Variants in DET1 observed in about 807,000 individuals in gnomAD.
DET1 encodes DET1 partner of COP1 E3 ubiquitin ligase, also known as DET1 homolog.
A neutral mutation model predicts 43.7 loss-of-function variants in DET1; 22 were observed. That is an observed-to-expected ratio of 0.50 (90% CI 0.36 to 0.72). The LOEUF (loss-of-function observed/expected upper bound fraction) is 0.72, where lower values mean the gene tolerates loss of function less well. DET1 is among the 30% of genes least tolerant of loss of function. The pLI, the probability that DET1 is intolerant of heterozygous loss-of-function variation, is 0.00. For missense variants in DET1, 713 were observed against 713.3 expected, an observed-to-expected ratio of 1.00 and a Z score of 0.00; for synonymous variants, 315 against 266.2, an observed-to-expected ratio of 1.18 and a Z score of -1.79.
chr15:88,533,800 T>C (rs1264143030), intron 1 of DET1, among the ~76,000 whole-genome samples: 1 of 137,450 alleles, frequency 7.3e-6, no homozygotes, highest in Non-Finnish European at 1.5e-5. Flanking sequence ...GGTGGACCAC[T>C]TGAGCCCAGG....
intron 1 of DET1, among the ~76,000 whole-genome samples, chr15:88,540,803 T>A (rs1367191850): frequency 1.4e-5 from 2 of 137,956 alleles, no homozygotes; most frequent in Non-Finnish European, 3.0e-5. Context: ...TTAAGAGTCA[T>A]CACCACTCCC....
At chr15:88,511,912 A>T (rs1011079606), downstream of DET1, among the ~76,000 whole-genome samples, 6 of 152,116 alleles carry the variant, frequency 3.9e-5, no homozygotes, top group African/African-American at 1.4e-4. Context: ...CAACATTTCA[A>T]AGCTACCTTC....
At chr15:88,514,505 G>A (rs1289764768) in intron 4 of DET1, among the ~76,000 whole-genome samples, 2 of 152,158 alleles carry the variant, frequency 1.3e-5, no homozygotes, top group Non-Finnish European at 2.9e-5. Context: ...GACTACTATG[G>A]CATTTGTTTT....
chr15:88,513,361 G>A lies in DET1; in HGVS notation c.1464-221C>T, dbSNP rs1204829797. On this transcript the variant is annotated intron_variant, in intron 4 of 4. Transcript: ENST00000268148. ...TATAAATTTTACTATGTTGCACTGAGTCACTGGTCATTTCTCTTTCCTGAG... is the reference window on the plus strand; with the variant it reads ...TATAAATTTTACTATGTTGCACTGAATCACTGGTCATTTCTCTTTCCTGAG... Among the ~76,000 whole-genome samples the A allele has an allele frequency of 6.8e-4, 104 of 152,186 alleles. 3 individuals are homozygous for A. Among genetic ancestry groups the A allele is most frequent in the Admixed American group, 6.7e-3 (103 of 15,284 alleles).
At chr15:88,518,880 A>G (rs981906348) in intron 3 of DET1, among the ~76,000 whole-genome samples, 6 of 152,210 alleles carry the variant, frequency 3.9e-5, no homozygotes, top group African/African-American at 1.4e-4. Context: ...CCCTAAAGAA[A>G]GCCTAGCAAG....
intron 2 of DET1, among the ~76,000 whole-genome samples, chr15:88,530,230 T>C (rs1469656625): frequency 6.6e-6 from 1 of 152,224 alleles, no homozygotes; most frequent in Non-Finnish European, 1.5e-5. Context: ...CTTTTTGGTA[T>C]GGTGTACTCA....
Position 88,531,801 on chromosome 15 carries a change from T to C in DET1, c.-10-86A>G. The C allele has an allele frequency of 7.6e-7, 1 of 1,322,586 alleles. No homozygotes were observed. The highest frequency in any genetic ancestry group is 2.7e-5 in the Admixed American group (1 of 37,342). 81.9% of individuals were successfully genotyped at this position (1,322,586 alleles called of 1,614,324 possible). A position where few individuals can be genotyped will look rare whatever the true frequency, so the allele number is the denominator to read the frequency against. On this transcript the variant is annotated intron_variant, in intron 1 of 4. Coordinates refer to ENST00000268148, the MANE Select transcript of DET1 (RefSeq NM_001144074.3). The surrounding 1 kb of genome is among the most constrained non-coding windows in gnomAD (Gnocchi z 6.2). Reference sequence around the variant, plus strand: ...ATATACAAGTGAAACAGATTTCTCTTCTTATATCCTGAACCTAGGAGCTCC... The same window carrying C: ...ATATACAAGTGAAACAGATTTCTCTCCTTATATCCTGAACCTAGGAGCTCC...
chr15:88,517,230 T>G (rs1188437870), intron 3 of DET1, among the ~76,000 whole-genome samples: 1 of 150,412 alleles, frequency 6.6e-6, no homozygotes, highest in Non-Finnish European at 1.5e-5. Context: ...TTGGGTTTTT[T>G]TTTTTTTTTT....
At chr15:88,508,776 C>T (rs1056969543), downstream of DET1, among the ~76,000 whole-genome samples, 3 of 152,094 alleles carry the variant, frequency 2.0e-5, no homozygotes, top group African/African-American at 7.2e-5. Context: ...TTAGACAACT[C>T]TTTTGAGAAG....
chr15:88,523,059 T>C (rs2056545429), intron 3 of DET1, among the ~76,000 whole-genome samples: 2 of 151,780 alleles, frequency 1.3e-5, no homozygotes, highest in Admixed American at 6.6e-5. Context: ...ATTTTTTTGT[T>C]TTTTCGGAGA....
intron 7 of DET1, chr15:88,505,064 A>G (rs1567053972): frequency 6.6e-6 from 1 of 152,178 alleles, no homozygotes; most frequent in Non-Finnish European, 1.5e-5. Context: ...TTTGTTTCTT[A>G]TTCGACTTAA....
intron 1 of DET1, among the ~76,000 whole-genome samples, chr15:88,540,264 G>A (rs944085026): frequency 6.6e-6 from 1 of 152,060 alleles, no homozygotes; most frequent in Non-Finnish European, 1.5e-5. Context: ...TGACCCAGGA[G>A]ACCTCAGGCT....
chr15:88,530,441 T>G (rs2056779595), intron 2 of DET1, among the ~76,000 whole-genome samples, 182 bp downstream of exon 2: 1 of 152,202 alleles, frequency 6.6e-6, no homozygotes, highest in Non-Finnish European at 1.5e-5. Context: ...TTAGCTTCCA[T>G]TTGTCCAGAT....
chr15:88,530,590 T>C (rs757766663), intron 2 of DET1, 33 bp downstream of exon 2: 1 of 1,547,218 alleles, frequency 6.5e-7, no homozygotes, highest in South Asian at 1.3e-5. Flanking sequence ...CCAAGGAGAT[T>C]AGACAAGTAA....
chr15:88,545,474 G>A (rs575152015), intron 1 of DET1, among the ~76,000 whole-genome samples: 4 of 152,250 alleles, frequency 2.6e-5, no homozygotes, highest in Admixed American at 1.3e-4. Flanking sequence ...CAACAGGAAC[G>A]AGAAAATAAC....
chr15:88,531,822 G>T lies in DET1; in HGVS notation c.-10-107C>A. 1 of 1,110,376 alleles carries T rather than the reference G, an allele frequency of 9.0e-7. No individual in the cohort carries two copies. Among genetic ancestry groups the T allele is most frequent in the Non-Finnish European group, 1.2e-6 (1 of 802,416 alleles). The allele number at this position is 1,110,376 out of a possible 1,614,324, so 68.8% of individuals were successfully genotyped here. On this transcript the variant is annotated intron_variant, in intron 1 of 4. Coordinates refer to ENST00000268148, the MANE Select transcript of DET1 (RefSeq NM_001144074.3). The surrounding 1 kb of genome is among the most constrained non-coding windows in gnomAD (Gnocchi z 6.2). Reference sequence around the variant, plus strand: ...CTCTTCTTATATCCTGAACCTAGGAGCTCCCAAGATGACAGTGACTGGCAT... The same window carrying T: ...CTCTTCTTATATCCTGAACCTAGGATCTCCCAAGATGACAGTGACTGGCAT...
At chr15:88,511,987 A>C (rs2056207966), downstream of DET1, among the ~76,000 whole-genome samples, 1 of 152,228 alleles carries the variant, frequency 6.6e-6, no homozygotes, top group Non-Finnish European at 1.5e-5. Context: ...GATGAAACAT[A>C]AACAGGCTGG....
At chr15:88,511,783 G>T (rs1254912898), downstream of DET1, among the ~76,000 whole-genome samples, 1 of 152,180 alleles carries the variant, frequency 6.6e-6, no homozygotes. Context: ...TTTTTGGTGG[G>T]ACTCAGGATT....
At chr15:88,511,685 C>T, downstream of DET1, 1 of 857,024 alleles carries the variant, frequency 1.2e-6, no homozygotes, top group South Asian at 5.4e-5. Context: ...CCACTTGACT[C>T]ATAGCAGGTG....
Sources: allele counts gnomAD v4.1 joint callset (sites outside exome capture counted in the v4.1 genomes callset), GRCh38; gene constraint gnomAD v4.1.1; non-coding constraint Gnocchi (gnomAD v3.1); transcripts MANE v1.5; gene names NCBI Gene and HGNC (gene_info 2026-07-23, HGNC 2026-07-21).